Variants in PLD1 observed in about 807,000 individuals in gnomAD.
PLD1 encodes phospholipase D1.
PLD1 carries 112 observed loss-of-function variants against 137.1 expected under a neutral mutation model. That is an observed-to-expected ratio of 0.82 (90% CI 0.70 to 0.96). PLD1 has a LOEUF of 0.96. PLD1 is among the 40% of genes least tolerant of loss of function. The pLI, the probability that PLD1 is intolerant of heterozygous loss-of-function variation, is 0.00. For synonymous variants in PLD1, 431 were observed against 454.7 expected (o/e 0.95, Z 0.66); for missense variants, 1,321 against 1,342.0 (o/e 0.98, Z 0.24).
chr3:171,799,816 A>G (rs1723575202), intron 1 of PLD1, among the ~76,000 whole-genome samples: 1 of 152,172 alleles, frequency 6.6e-6, no homozygotes, highest in Non-Finnish European at 1.5e-5. Context: ...CATCATCCCA[A>G]TCTAATCCTG....
At position 171,654,136 on chromosome 3, in the gene PLD1, AC is replaced by A. The variant is rs1457755417; in HGVS notation, c.2429+5076del. 14 of 360,512 alleles carry A rather than the reference AC, an allele frequency of 3.9e-5. No individual in the cohort carries two copies. In the East Asian group the frequency reaches 1.1e-3, roughly 29 times the overall value. 22.3% of individuals were successfully genotyped at this position (360,512 alleles called of 1,614,324 possible). ...GCCGACATGGTGAAACCCCGTCTCCACCAAAAATACAAAAAAATTAGCTGAG... is the reference window on the plus strand; with the variant it reads ...GCCGACATGGTGAAACCCCGTCTCCACAAAAATACAAAAAAATTAGCTGAG... On this transcript the variant is annotated intron_variant, in intron 21 of 26. Transcript: ENST00000351298.
At position 171,729,168 on chromosome 3, in the gene PLD1, C is replaced by T. The variant is rs546438621; in HGVS notation, c.607-3092G>A. 2.0e-5 allele frequency among the ~76,000 whole-genome samples: 3 copies of T among 152,302 alleles called. No individual in the cohort carries two copies. In the East Asian group the frequency reaches 5.8e-4, roughly 29 times the overall value. ...TTTAGCCTAACGGCATTTCGCAGGG[C>T]TTATTCCATTGATCTTTTGAGTAAT... On this transcript the variant is annotated intron_variant, in intron 6 of 26. Coordinates refer to ENST00000351298, the MANE Select transcript of PLD1 (RefSeq NM_002662.5).
At chr3:171,663,051 A>T (rs900788280) in intron 19 of PLD1, among the ~76,000 whole-genome samples, 4 of 152,310 alleles carry the variant, frequency 2.6e-5, no homozygotes, top group African/African-American at 9.6e-5. Flanking sequence ...ATCGAAGTGG[A>T]GCTCCTGACT....
chr3:171,700,238 A>G (rs1361052467), intron 11 of PLD1, among the ~76,000 whole-genome samples: 1 of 151,784 alleles, frequency 6.6e-6, no homozygotes, highest in East Asian at 1.9e-4. Context: ...ACGTGACACA[A>G]TCCTGAACAA....
intron 12 of PLD1, among the ~76,000 whole-genome samples, chr3:171,693,817 G>C (rs759612802): frequency 6.6e-6 from 1 of 152,014 alleles, no homozygotes; most frequent in Non-Finnish European, 1.5e-5. Context: ...TTTATATTAA[G>C]ATTCCATGGT....
At chr3:171,754,796 T>C (rs1720900621) in intron 1 of PLD1, among the ~76,000 whole-genome samples, 1 of 152,170 alleles carries the variant, frequency 6.6e-6, no homozygotes, top group Admixed American at 6.5e-5. Flanking sequence ...ACATCTCAAA[T>C]GTAGGGCTTA....
intron 23 of PLD1, among the ~76,000 whole-genome samples, chr3:171,627,856 A>T (rs1375635016): frequency 6.6e-6 from 1 of 152,286 alleles, no homozygotes; most frequent in East Asian, 1.9e-4. Flanking sequence ...GACACATTCA[A>T]AGCAGTGTGT....
intron 25 of PLD1, chr3:171,611,599 G>T: frequency 1.9e-6 from 1 of 518,918 alleles, no homozygotes; most frequent in South Asian, 1.4e-5. Context: ...TCTTGCCAAA[G>T]ATCAGGGATC....
At chr3:171,757,244 AT>A (rs1394448758) in intron 1 of PLD1, among the ~76,000 whole-genome samples, 1 of 152,222 alleles carries the variant, frequency 6.6e-6, no homozygotes. Flanking sequence ...CACAGAAATC[AT>A]ACTGGGAACT....
chr3:171,731,976 T>A (rs1165338525), intron 6 of PLD1, among the ~76,000 whole-genome samples: 4 of 151,800 alleles, frequency 2.6e-5, no homozygotes, highest in African/African-American at 9.7e-5. Context: ...AACAGTAGAA[T>A]CCCAAATGTA....
At chr3:171,669,910 G>C (rs1712568637) in intron 19 of PLD1, among the ~76,000 whole-genome samples, 1 of 152,228 alleles carries the variant, frequency 6.6e-6, no homozygotes, top group Non-Finnish European at 1.5e-5. Flanking sequence ...ATATGTCACA[G>C]AGCTGAGATG....
intron 3 of PLD1, among the ~76,000 whole-genome samples, chr3:171,736,425 A>G (rs1218721644): frequency 6.6e-6 from 1 of 152,126 alleles, no homozygotes; most frequent in Non-Finnish European, 1.5e-5. Context: ...CCCACATGTT[A>G]TTATCTTTCA....
chr3:171,614,574 G>A lies in PLD1; in HGVS notation c.2729-2142C>T, dbSNP rs138974184. On this transcript the variant is annotated intron_variant, in intron 24 of 26. Transcript: ENST00000351298. ...TACAATAACTGCACCGGAGAATGCT[G>A]CCATAGGAACCGACCATTTGATGGA... Among the ~76,000 whole-genome samples the A allele has an allele frequency of 5.3e-3, 800 of 152,312 alleles. 3 individuals are homozygous for A. The highest frequency in any genetic ancestry group is 0.017 in the African/African-American group (707 of 41,568).
chr3:171,746,027 G>A (rs779403074), intron 1 of PLD1, among the ~76,000 whole-genome samples: 166 of 152,328 alleles, frequency 1.1e-3, no homozygotes, highest in Non-Finnish European at 1.9e-3. Flanking sequence ...CTTAGCACCG[G>A]GCAAGCAGTT....
intron 1 of PLD1, among the ~76,000 whole-genome samples, chr3:171,791,478 T>C (rs1723209551): frequency 6.6e-6 from 1 of 152,144 alleles, no homozygotes; most frequent in South Asian, 2.1e-4. Flanking sequence ...CCAGCTCTAT[T>C]GTGTCTCTAT....
intron 1 of PLD1, among the ~76,000 whole-genome samples, chr3:171,783,650 G>T (rs1180114477): frequency 6.6e-6 from 1 of 151,960 alleles, no homozygotes; most frequent in Non-Finnish European, 1.5e-5. Context: ...CTGTTTATTT[G>T]TTTGTTTATT....
At chr3:171,781,835 T>TA (rs1470269955) in intron 1 of PLD1, among the ~76,000 whole-genome samples, 1 of 152,188 alleles carries the variant, frequency 6.6e-6, no homozygotes, top group Non-Finnish European at 1.5e-5. Context: ...CCGTTGTTTA[T>TA]AAAACTAAAT....
intron 23 of PLD1, among the ~76,000 whole-genome samples, chr3:171,624,616 T>C (rs1288583410): frequency 6.6e-6 from 1 of 152,132 alleles, no homozygotes. Flanking sequence ...GTTAGAAGCA[T>C]ATAATGGTTG....
intron 1 of PLD1, among the ~76,000 whole-genome samples, chr3:171,795,613 G>A (rs1245555120): frequency 6.6e-6 from 1 of 152,094 alleles, no homozygotes. Flanking sequence ...TAGGAGAAAT[G>A]GCCCTCTGAA....
Sources: gnomAD v4.1 joint callset for allele counts (sites outside exome capture counted in the v4.1 genomes callset) on GRCh38, gnomAD v4.1.1 for gene constraint, MANE v1.5 for transcripts, NCBI Gene and HGNC (gene_info 2026-07-23, HGNC 2026-07-21) for gene names.